Variants in DSG2 observed in about 807,000 individuals in gnomAD.
The protein encoded by DSG2 is desmoglein-2.
A neutral mutation model predicts 75.6 loss-of-function variants in DSG2; 45 were observed. The ratio of observed to expected loss-of-function variants is 0.60; its 90% CI spans 0.47 to 0.76. DSG2 has a LOEUF of 0.76. Ranked by LOEUF, DSG2 falls within the 30% of genes least tolerant of loss-of-function variation. The pLI is 0.00. For missense variants in DSG2, 1,267 were observed against 1,357.4 expected, an observed-to-expected ratio of 0.93 and a Z score of 1.05; for synonymous variants, 429 against 483.9, an observed-to-expected ratio of 0.89 and a Z score of 1.49.
intron 9 of DSG2, among the ~76,000 whole-genome samples, chr18:31,534,702 G>T (rs903409869): frequency 3.3e-5 from 5 of 151,848 alleles, no homozygotes; most frequent in African/African-American, 9.7e-5. Context: ...TAGAGACGGG[G>T]TTTCACCATG....
At chr18:31,531,351 C>T (rs1168932982) in intron 9 of DSG2, 99 bp downstream of exon 9, 1 of 1,410,708 alleles carries the variant, frequency 7.1e-7, no homozygotes, top group Non-Finnish European at 9.8e-7. Context: ...TCCTTCAAAT[C>T]CAGCATTATA....
rs1007411784 is a variant in DSG2 at position 31,528,797 on chromosome 18, G to A, written c.1015-2190G>A. Among the ~76,000 whole-genome samples, 3 of 151,906 alleles carry A rather than the reference G, an allele frequency of 2.0e-5. No individual in the cohort carries two copies. In the East Asian group the frequency reaches 5.8e-4, roughly 29 times the overall value. On this transcript the variant is annotated intron_variant, in intron 8 of 14. Transcript: ENST00000261590. Reference sequence around the variant, plus strand: ...ACATATTACATGATTCCATTTACTTGAAATTTCTAGAAAAGGTGAAACAAT... The same window carrying A: ...ACATATTACATGATTCCATTTACTTAAAATTTCTAGAAAAGGTGAAACAAT...
At chr18:31,541,433 G>A (rs2073267559) in intron 13 of DSG2, 119 bp downstream of exon 13, 1 of 1,316,190 alleles carries the variant, frequency 7.6e-7, no homozygotes, top group South Asian at 1.3e-5. Flanking sequence ...TTTCACTCAT[G>A]TGCCTTTGTT....
Position 31,521,182 on chromosome 18 carries a change from C to A in DSG2, c.462C>A (p.Asp154Glu), listed in dbSNP as rs2073125869. The A allele has an allele frequency of 3.1e-6, 5 of 1,612,784 alleles. No individual in the cohort carries two copies. Among genetic ancestry groups the A allele is most frequent in the Non-Finnish European group, 4.2e-6 (5 of 1,179,806 alleles). ...ELRIKVLDINDNEPVFTQDVF... is the reference protein window; with the variant it reads ...ELRIKVLDINENEPVFTQDVF... The stretch of plus-strand genomic sequence containing the variant: ...GCATTAAGGTTCTTGATATCAATGA[C>A]AACGAACCAGTGTTCACACAGGATG... The change falls in exon 5 of 15, where the codon GAC becomes GAA. Residue 154 changes from aspartate to glutamate, a missense_variant. Physicochemically the swap from Asp to Glu is conservative, Grantham distance 45. Coordinates refer to ENST00000261590, the MANE Select transcript of DSG2 (RefSeq NM_001943.5).
At chr18:31,512,298 G>A (rs1236478953) in intron 1 of DSG2, among the ~76,000 whole-genome samples, 2 of 152,122 alleles carry the variant, frequency 1.3e-5, no homozygotes, top group African/African-American at 4.8e-5. Flanking sequence ...AATTCTAAGG[G>A]TCATCTATAT....
In DSG2 at chr18:31,531,023, A is replaced by C; in HGVS notation, c.1051A>C (p.Ser351Arg). 8.7e-6 allele frequency: 14 copies of C among 1,614,102 alleles called. No homozygotes were observed. Among genetic ancestry groups the C allele is most frequent in the Non-Finnish European group, 1.1e-5 (13 of 1,179,998 alleles). ...TGAAGAAATGAAGAATCTTGACTTC[A>C]GTGTTATTGTCGCTAATAAAGCAGC... ...DYEEMKNLDF[S>R]VIVANKAAFH... Residue 351 changes from serine to arginine, a missense_variant, in exon 9 of 15, where the codon AGT (serine) becomes CGT (arginine). Transcript: ENST00000261590.
At chr18:31,544,959 C>T (rs1252398724) in intron 14 of DSG2, among the ~76,000 whole-genome samples, 1 of 152,164 alleles carries the variant, frequency 6.6e-6, no homozygotes, top group Non-Finnish European at 1.5e-5. Context: ...TGCTTTCCCA[C>T]TTTCTGCTCC....
rs772787847 is a variant in DSG2 at position 31,541,223 on chromosome 18, G to A, written c.1910G>A (p.Cys637Tyr). 3 of 1,614,142 alleles carry A rather than the reference G, an allele frequency of 1.9e-6. No homozygotes were observed. Among genetic ancestry groups the A allele is most frequent in the Non-Finnish European group, 1.7e-6 (2 of 1,179,998 alleles). The change falls in exon 13 of 15, where the codon TGC (cysteine) becomes TAC (tyrosine). Residue 637 changes from cysteine to tyrosine, a missense_variant. By Grantham distance (194) the Cys-to-Tyr change is radical. Coordinates refer to ENST00000261590, the MANE Select transcript of DSG2 (RefSeq NM_001943.5). ...LVPLLLLMCH[C>Y]GKGAKGFTPI... is the part of the protein sequence containing the mutation. Reference sequence around the variant, plus strand: ...CCACTTTTACTGCTGATGTGCCATTGCGGAAAGGGCGCCAAAGGCTTTACC... The same window carrying A: ...CCACTTTTACTGCTGATGTGCCATTACGGAAAGGGCGCCAAAGGCTTTACC...
chr18:31,500,756 T>A (rs2073009525), intron 1 of DSG2, among the ~76,000 whole-genome samples: 1 of 152,136 alleles, frequency 6.6e-6, no homozygotes, highest in Non-Finnish European at 1.5e-5. Context: ...TGTATCAAAA[T>A]GGGAAAAAGA....
At chr18:31,540,483 G>A (rs1287992794) in intron 12 of DSG2, among the ~76,000 whole-genome samples, 1 of 152,188 alleles carries the variant, frequency 6.6e-6, no homozygotes, top group Non-Finnish European at 1.5e-5. Flanking sequence ...GCCTAATGTG[G>A]TACTTGGCAC....
rs760402926 is a variant in DSG2, at chr18:31,545,727, G to T, written c.2341G>T (p.Ala781Ser). 5.0e-6 allele frequency: 8 copies of T among 1,613,502 alleles called. No homozygotes were observed. The African/African-American group carries it at 1.1e-4, about 22-fold the overall frequency. Reference protein sequence around the residue: ...FLRNYFTDKAASYTEEDENHT... With the variant: ...FLRNYFTDKASSYTEEDENHT... ...TGTTTTGTTTTCATTTTAGAAAGCG[G>T]CCTCTTACACTGAGGAAGATGAAAA... Residue 781 changes from alanine (A) to serine (S), a missense_variant, in exon 15 of 15, where the codon GCC (alanine) becomes TCC (serine). Ala to Ser is a moderately conservative substitution (Grantham distance 99). Coordinates refer to ENST00000261590, the MANE Select transcript of DSG2 (RefSeq NM_001943.5).
In DSG2 at chr18:31,546,130, G is replaced by C. The variant is rs375358300; in HGVS notation, c.2744G>C (p.Arg915Thr). 22 of 1,614,042 alleles carry C rather than the reference G, an allele frequency of 1.4e-5. No individual in the cohort carries two copies. In the African/African-American group the frequency reaches 2.8e-4, roughly 21 times the overall value. Residue 915 changes from arginine to threonine, a missense_variant, in exon 15 of 15, where the codon AGG becomes ACG. Physicochemically the swap from Arg to Thr is moderately conservative, Grantham distance 71 (BLOSUM62 -1). Coordinates refer to ENST00000261590, the MANE Select transcript of DSG2 (RefSeq NM_001943.5). ...EIVTERSVSSRQAQKVATPLP... is the reference protein window; with the variant it reads ...EIVTERSVSSTQAQKVATPLP... ...GTCACTGAAAGATCTGTGTCTTCTA[G>C]GCAGGCGCAAAAGGTAGCTACACCT...
intron 14 of DSG2, among the ~76,000 whole-genome samples, chr18:31,544,998 C>T (rs2073295305): frequency 6.6e-6 from 1 of 152,182 alleles, no homozygotes; most frequent in Admixed American, 6.5e-5. Context: ...TCATACCATC[C>T]TTCACCCACC....
rs1567935058 is a variant in DSG2, at chr18:31,546,447, A to G, written c.3061A>G (p.Ser1021Gly). 8.1e-6 allele frequency: 13 copies of G among 1,613,934 alleles called. No homozygotes were observed. The highest frequency in any genetic ancestry group is 1.3e-5 in the African/African-American group (1 of 74,872). ...VPYVMVRERE[S>G]FLAPSSGVQP... ...TTACGTCATGGTGAGGGAAAGAGAG[A>G]GCTTCCTTGCCCCCAGCTCAGGTGT... Residue 1021 changes from serine to glycine, a missense_variant, in exon 15 of 15, where the codon AGC becomes GGC. By Grantham distance (56) the Ser-to-Gly change is moderately conservative. Coordinates refer to ENST00000261590, the MANE Select transcript of DSG2 (RefSeq NM_001943.5).
chr18:31,515,041 T>C (rs920098848), intron 1 of DSG2, among the ~76,000 whole-genome samples: 3 of 152,320 alleles, frequency 2.0e-5, no homozygotes, highest in Middle Eastern at 3.4e-3. Flanking sequence ...AACTACTTAA[T>C]ATGGCCTGTA....
At position 31,524,597 on chromosome 18, in the gene DSG2, T is replaced by C; in HGVS notation, c.828+12T>C. On this transcript the variant is annotated intron_variant, in intron 7 of 14. Coordinates refer to ENST00000261590, the MANE Select transcript of DSG2 (RefSeq NM_001943.5). ...TAGAAAATAAAGTGGTAACTATTAT[T>C]CTTCTAATAACTGTACCTATTTATT... is the stretch of plus-strand genomic sequence containing the variant. 6.2e-7 allele frequency: 1 copy of C among 1,611,636 alleles called. No homozygotes were observed. The highest frequency in any genetic ancestry group is 1.7e-5 in the Admixed American group (1 of 60,016).
chr18:31,546,399 A>G lies in DSG2; in HGVS notation c.3013A>G (p.Thr1005Ala), dbSNP rs1386679487. ...GGGTGGATCGAATCCTCTGGAAGGC[A>G]CTCAGCATCTTCAAGATGTACCTTA... ...HGGGSNPLEGTQHLQDVPYVM... is the reference protein window; with the variant it reads ...HGGGSNPLEGAQHLQDVPYVM... The change falls in exon 15 of 15, where the codon ACT becomes GCT. Residue 1005 changes from threonine (T) to alanine (A), a missense_variant. Thr to Ala is a moderately conservative substitution (Grantham distance 58). Coordinates refer to ENST00000261590, the MANE Select transcript of DSG2 (RefSeq NM_001943.5). 2 of 1,614,178 alleles carry G rather than the reference A, an allele frequency of 1.2e-6. No individual in the cohort carries two copies. Among genetic ancestry groups the G allele is most frequent in the East Asian group, 4.5e-5 (2 of 44,884 alleles).
At chr18:31,527,559 A>T (rs1290472180) in intron 8 of DSG2, among the ~76,000 whole-genome samples, 1 of 152,266 alleles carries the variant, frequency 6.6e-6, no homozygotes, top group Non-Finnish European at 1.5e-5. Context: ...CTTCCAAATT[A>T]TAAGGGCAGC....
intron 8 of DSG2, among the ~76,000 whole-genome samples, chr18:31,525,458 G>T (rs2073157741): frequency 6.6e-6 from 1 of 151,996 alleles, no homozygotes; most frequent in East Asian, 1.9e-4. Context: ...GGCGGAGGCT[G>T]CAGTGAGCCG....
Sources: allele counts gnomAD v4.1 joint callset (sites outside exome capture counted in the v4.1 genomes callset), GRCh38; gene constraint gnomAD v4.1.1; transcripts MANE v1.5; gene names NCBI Gene and HGNC (gene_info 2026-07-23, HGNC 2026-07-21).